The following CACNA1C variants were observed in gnomAD, a reference collection of about 807,000 sequenced individuals.
The protein encoded by CACNA1C is voltage-dependent L-type calcium channel subunit alpha-1C.
Under a neutral mutation model 229.0 loss-of-function variants are expected in CACNA1C, and 30 were observed. The ratio of observed to expected loss-of-function variants is 0.13; its 90% CI spans 0.10 to 0.18. The LOEUF (loss-of-function observed/expected upper bound fraction) is 0.18. CACNA1C is among the 10% of genes least tolerant of loss of function. The pLI is 1.00. For missense variants in CACNA1C, 1,658 were observed against 2,845.0 expected, an observed-to-expected ratio of 0.58 and a Z score of 9.49; for synonymous variants, 1,114 against 1,132.5, an observed-to-expected ratio of 0.98 and a Z score of 0.33.
intron 18 of CACNA1C, among the ~76,000 whole-genome samples, chr12:2,587,605 A>T (rs1017622847): frequency 1.3e-4 from 20 of 151,282 alleles, no homozygotes; most frequent in South Asian, 2.1e-4. Context: ...TGTTAATTTT[A>T]AAAAAAAAGG....
At chr12:1,997,219 A>G (rs553929725) in intron 1 of CACNA1C, among the ~76,000 whole-genome samples, 19 of 152,174 alleles carry the variant, frequency 1.2e-4, no homozygotes, top group Non-Finnish European at 2.8e-4. Flanking sequence ...TTTTTTAAAG[A>G]GTCAGGGGTG....
At chr12:2,170,228 G>A (rs2096419082) in intron 3 of CACNA1C, among the ~76,000 whole-genome samples, 1 of 152,182 alleles carries the variant, frequency 6.6e-6, no homozygotes, top group African/African-American at 2.4e-5. Flanking sequence ...TTGGATAGTG[G>A]AACTTTTGCC....
At chr12:2,068,976 C>A (rs535775663) in intron 1 of CACNA1C, among the ~76,000 whole-genome samples, 13 of 152,330 alleles carry the variant, frequency 8.5e-5, no homozygotes, top group Non-Finnish European at 1.8e-4. Flanking sequence ...TTCCGCAGTT[C>A]CAGCTGCTGC....
chr12:2,461,076 A>G (rs976307376), intron 5 of CACNA1C, among the ~76,000 whole-genome samples: 31 of 152,200 alleles, frequency 2.0e-4, no homozygotes, highest in African/African-American at 5.3e-4. Flanking sequence ...AAACTCCTCA[A>G]GAGTTGCCTC....
At chr12:2,333,095 G>T (rs574268842) in intron 3 of CACNA1C, among the ~76,000 whole-genome samples, 1 of 152,182 alleles carries the variant, frequency 6.6e-6, no homozygotes, top group South Asian at 2.1e-4. Context: ...GGAAGACTCC[G>T]TGGGGGAAGA....
chr12:2,198,323 G>T (rs963166495), intron 3 of CACNA1C, among the ~76,000 whole-genome samples: 1 of 152,140 alleles, frequency 6.6e-6, no homozygotes, highest in Non-Finnish European at 1.5e-5. Flanking sequence ...CCGGAGAGGC[G>T]GCTTCTGAGG....
At chr12:2,480,683 A>C (rs2099672340) in intron 5 of CACNA1C, among the ~76,000 whole-genome samples, 1 of 152,006 alleles carries the variant, frequency 6.6e-6, no homozygotes, top group Non-Finnish European at 1.5e-5. Flanking sequence ...GTACCCACCA[A>C]CCCCCTAAAC....
intron 9 of CACNA1C, among the ~76,000 whole-genome samples, chr12:2,519,485 C>T (rs373110861): frequency 2.0e-5 from 3 of 152,206 alleles, no homozygotes; most frequent in South Asian, 2.1e-4. Flanking sequence ...TTCATGAACA[C>T]GGTTGCTTTC....
chr12:2,263,715 G>A (rs1402537976), intron 3 of CACNA1C, among the ~76,000 whole-genome samples: 2 of 152,058 alleles, frequency 1.3e-5, no homozygotes, highest in African/African-American at 4.8e-5. Context: ...ATGAACAAAG[G>A]AAGAGGGAAG....
chr12:2,299,966 A>C (rs1262611161), intron 3 of CACNA1C, among the ~76,000 whole-genome samples: 5 of 152,252 alleles, frequency 3.3e-5, no homozygotes, highest in Non-Finnish European at 4.4e-5. Context: ...CAGTGTGTTC[A>C]CTGCCATCAT....
intron 3 of CACNA1C, among the ~76,000 whole-genome samples, chr12:2,177,634 C>CTCTTTCTTTCTT (rs755417751): frequency 0.013 from 1,455 of 112,756 alleles, 46 homozygotes; most frequent in African/African-American, 0.047. Flanking sequence ...CCTTCTCTCT[C>CTCTTTCTTTCTT]TCTTTCTTTC....
chr12:2,379,722 C>T (rs1249759602), intron 3 of CACNA1C, among the ~76,000 whole-genome samples: 2 of 152,080 alleles, frequency 1.3e-5, no homozygotes, highest in East Asian at 1.9e-4. Flanking sequence ...TGCCATGATG[C>T]GGGACATAAT....
At chr12:2,431,814 A>T (rs1486634531) in intron 3 of CACNA1C, among the ~76,000 whole-genome samples, 4 of 152,188 alleles carry the variant, frequency 2.6e-5, no homozygotes, top group African/African-American at 9.7e-5. Context: ...CTGCCATTGC[A>T]TTGCTCTGCA....
At chr12:2,612,307 T>C (rs2078230516) in intron 29 of CACNA1C, 1 of 350,894 alleles carries the variant, frequency 2.8e-6, no homozygotes, top group Admixed American at 3.9e-5. Context: ...GGTGATGGTC[T>C]TTCTCCTATG....
intron 1 of CACNA1C, among the ~76,000 whole-genome samples, chr12:2,105,232 T>A (rs2077756944): frequency 6.6e-6 from 1 of 152,238 alleles, no homozygotes; most frequent in Non-Finnish European, 1.5e-5. Flanking sequence ...CTCCAGGCTC[T>A]TTGCCTTCTC....
At chr12:2,543,365 A>G (rs1264572428) in intron 9 of CACNA1C, among the ~76,000 whole-genome samples, 1 of 152,214 alleles carries the variant, frequency 6.6e-6, no homozygotes, top group Admixed American at 6.5e-5. Flanking sequence ...CCAACTCATC[A>G]TTTGAATGGC....
At chr12:2,580,716 G>A (rs1325842224) in intron 13 of CACNA1C, among the ~76,000 whole-genome samples, 1 of 152,198 alleles carries the variant, frequency 6.6e-6, no homozygotes, top group Non-Finnish European at 1.5e-5. Context: ...CCCCAGGACT[G>A]TAAGGAGTGG....
At chr12:2,385,339 C>G (rs2098358335) in intron 3 of CACNA1C, among the ~76,000 whole-genome samples, 1 of 151,984 alleles carries the variant, frequency 6.6e-6, no homozygotes, top group South Asian at 2.1e-4. Flanking sequence ...CCTCCCTCTC[C>G]CGGCAACGGA....
chr12:2,095,340 T>C (rs1565643998), intron 1 of CACNA1C, among the ~76,000 whole-genome samples: 1 of 152,200 alleles, frequency 6.6e-6, no homozygotes, highest in Non-Finnish European at 1.5e-5. Flanking sequence ...GGAACAGAGA[T>C]AGGGGGACAG....
Sources: allele counts gnomAD v4.1 joint callset (sites outside exome capture counted in the v4.1 genomes callset), GRCh38; gene constraint gnomAD v4.1.1; transcripts MANE v1.5; gene names NCBI Gene and HGNC (gene_info 2026-07-23, HGNC 2026-07-21).